NAV2: variants seen among roughly 807,000 people sequenced by gnomAD.
NAV2 encodes the protein neuron navigator 2.
In NAV2, 54 loss-of-function variants were observed where a neutral mutation model predicts 223.2. The observed-to-expected ratio is 0.24, with a 90% CI of 0.19 to 0.30. The LOEUF (loss-of-function observed/expected upper bound fraction) is 0.30. Ranked by LOEUF, NAV2 falls within the 10% of genes least tolerant of loss-of-function variation. NAV2 has a pLI of 1.00. For missense variants in NAV2, 2,806 were observed against 3,147.5 expected, an observed-to-expected ratio of 0.89 and a Z score of 2.60; for synonymous variants, 1,279 against 1,239.3, an observed-to-expected ratio of 1.03 and a Z score of -0.67.
intron 36 of NAV2, among the ~76,000 whole-genome samples, chr11:20,113,417 C>T (rs577478489): frequency 6.6e-6 from 1 of 152,210 alleles, no homozygotes; most frequent in Non-Finnish European, 1.5e-5. Context: ...GTATGTATTT[C>T]TTGAAATTGC....
chr11:19,916,815 T>A (rs2043848010), intron 6 of NAV2, among the ~76,000 whole-genome samples: 1 of 152,086 alleles, frequency 6.6e-6, no homozygotes, highest in South Asian at 2.1e-4. Flanking sequence ...CAAAAATAGG[T>A]GGGGAGCTGG....
At chr11:20,042,834 C>T (rs926060601) in intron 12 of NAV2, among the ~76,000 whole-genome samples, 1 of 152,140 alleles carries the variant, frequency 6.6e-6, no homozygotes, top group African/African-American at 2.4e-5. Context: ...TACCGTGCTG[C>T]TTCTCGCTAC....
chr11:19,571,894 G>A (rs1309015803), intron 1 of NAV2, among the ~76,000 whole-genome samples: 1 of 152,174 alleles, frequency 6.6e-6, no homozygotes, highest in Non-Finnish European at 1.5e-5. Flanking sequence ...ATGTTAGGAA[G>A]TCCCAAAATA....
intron 37 of NAV2, 30 bp from the exon 38 acceptor site, chr11:20,118,103 G>A: frequency 1.2e-6 from 2 of 1,601,186 alleles, no homozygotes; most frequent in Non-Finnish European, 1.7e-6. Context: ...TAGACAGAAA[G>A]CAGCTCATGC....
At chr11:20,053,975 C>T (rs1049604062) in intron 17 of NAV2, 105 bp from the exon 18 acceptor site, 1 of 1,196,192 alleles carries the variant, frequency 8.4e-7, no homozygotes, top group Admixed American at 2.9e-5. Context: ...AAAAAATCAT[C>T]TTCGGATATA....
At chr11:19,543,325 A>G (rs2134554712) in intron 1 of NAV2, among the ~76,000 whole-genome samples, 1 of 152,298 alleles carries the variant, frequency 6.6e-6, no homozygotes. Context: ...CTTTCAAAAT[A>G]TATCTATGAA....
intron 1 of NAV2, among the ~76,000 whole-genome samples, chr11:19,565,046 A>G (rs150717322): frequency 0.054 from 8,202 of 152,244 alleles, 484 homozygotes; most frequent in African/African-American, 0.14. Context: ...GAGGCAGGAG[A>G]ATCTCTTGAA....
At chr11:20,053,782 T>A (rs113869848) in intron 17 of NAV2, among the ~76,000 whole-genome samples, 3 of 152,224 alleles carry the variant, frequency 2.0e-5, no homozygotes, top group Admixed American at 1.3e-4. Context: ...CGTGACACTG[T>A]CATGAAGCAA....
At chr11:20,024,444 C>T (rs1328282958) in intron 11 of NAV2, among the ~76,000 whole-genome samples, 1 of 152,178 alleles carries the variant, frequency 6.6e-6, no homozygotes, top group African/African-American at 2.4e-5. Context: ...TGCCCTGGAA[C>T]TCTGGGTCTG....
At chr11:19,718,335 A>G (rs564837506) in intron 1 of NAV2, among the ~76,000 whole-genome samples, 2 of 152,362 alleles carry the variant, frequency 1.3e-5, no homozygotes, top group East Asian at 1.9e-4. Flanking sequence ...GTTGCAAGGA[A>G]AAAAAGAAAA....
intron 1 of NAV2, among the ~76,000 whole-genome samples, chr11:19,413,204 G>T (rs2729898): frequency 0.53 from 80,974 of 151,922 alleles, 22,738 homozygotes; most frequent in Non-Finnish European, 0.62. Context: ...AATTGGTAAC[G>T]AGAATAACCA....
At chr11:19,934,438 T>C (rs1454079041) in intron 7 of NAV2, among the ~76,000 whole-genome samples, 161 bp downstream of exon 7, 3 of 152,098 alleles carry the variant, frequency 2.0e-5, no homozygotes, top group Admixed American at 6.5e-5. Context: ...GCAGACACAA[T>C]GTGCTCCAGG....
intron 1 of NAV2, among the ~76,000 whole-genome samples, chr11:19,685,083 G>C (rs558048710): frequency 1.2e-4 from 19 of 152,286 alleles, no homozygotes; most frequent in Admixed American, 2.6e-4. Context: ...GCTGACATCA[G>C]TCCTGACCCT....
rs116623012 is a variant in NAV2 at position 19,779,002 on chromosome 11, G to A, written c.268-53482G>A. Among the ~76,000 whole-genome samples the A allele has an allele frequency of 8.2e-3, 1,253 of 152,324 alleles. 17 individuals are homozygous for A. The highest frequency in any genetic ancestry group is 0.028 in the African/African-American group (1,177 of 41,556). ...GCAGGGAAAACGTGGAGCCTCCCAG[G>A]GGATGGCTTCTGGAGCTTGGTGGCA... On this transcript the variant is annotated intron_variant, in intron 1 of 37. Coordinates refer to ENST00000349880, the MANE Select transcript of NAV2 (RefSeq NM_145117.5).
At chr11:19,628,194 C>G (rs988058693) in intron 1 of NAV2, among the ~76,000 whole-genome samples, 8 of 152,178 alleles carry the variant, frequency 5.3e-5, no homozygotes, top group Non-Finnish European at 1.2e-4. Flanking sequence ...CAGCCTGAGG[C>G]AGCAGAGGAG....
At chr11:19,667,658 A>T (rs1418158360) in intron 1 of NAV2, among the ~76,000 whole-genome samples, 1 of 152,148 alleles carries the variant, frequency 6.6e-6, no homozygotes, top group African/African-American at 2.4e-5. Context: ...ATAGAATGAG[A>T]CAAGTCAATG....
At chr11:19,518,733 G>A (rs935722137) in intron 1 of NAV2, 5 of 152,220 alleles carry the variant, frequency 3.3e-5, no homozygotes, top group South Asian at 2.1e-4. Flanking sequence ...TTCCTGGCAT[G>A]ACGTGTAAGA....
At chr11:19,581,533 C>T (rs1264433127) in intron 1 of NAV2, among the ~76,000 whole-genome samples, 1 of 151,988 alleles carries the variant, frequency 6.6e-6, no homozygotes, top group African/African-American at 2.4e-5. Context: ...CACCCCACAA[C>T]AGGCCCCAGT....
chr11:20,098,700 GCCT>G (rs2061440357), intron 31 of NAV2, among the ~76,000 whole-genome samples: 1 of 152,212 alleles, frequency 6.6e-6, no homozygotes, highest in East Asian at 1.9e-4. Flanking sequence ...GCCTCACACA[GCCT>G]CCTCCTGCTA....
Sources: allele counts gnomAD v4.1 joint callset (sites outside exome capture counted in the v4.1 genomes callset), GRCh38; gene constraint gnomAD v4.1.1; transcripts MANE v1.5; gene names NCBI Gene and HGNC (gene_info 2026-07-23, HGNC 2026-07-21).